Variants in SDR42E1 observed in about 807,000 individuals in gnomAD.
SDR42E1 encodes the protein short chain dehydrogenase/reductase family 42E, member 1, also known as short-chain dehydrogenase/reductase family 42E member 1.
In SDR42E1, 5 loss-of-function variants were observed where a neutral mutation model predicts 2.6. The observed-to-expected ratio is 1.94, with a 90% CI of 1.01 to 4.08. SDR42E1 has a LOEUF of 4.08. SDR42E1 is among the 30% of genes most tolerant of loss of function. SDR42E1 has a pLI of 0.00. For synonymous variants in SDR42E1, 231 were observed against 188.3 expected (o/e 1.23, Z -1.86); for missense variants, 596 against 478.6 (o/e 1.25, Z -2.29).
rs746710888 is a variant in SDR42E1, at chr16:81,999,548, C to T, written c.745G>A (p.Gly249Arg). The change falls in exon 3 of 3, where the codon GGG (glycine) becomes AGG (arginine). Residue 249 changes from glycine to arginine, a missense_variant. Physicochemically the swap from Gly to Arg is moderately radical, Grantham distance 125 (BLOSUM62 -2). Transcript: ENST00000328945. The part of the protein sequence containing the change: ...LRADKGHIAS[G>R]QPYFISDGRP... ...CCATCTGAGATGAAGTAGGGCTGCCCAGAGGCAATATGGCCCTTGTCAGCT... is the reference window on the plus strand; with the variant it reads ...CCATCTGAGATGAAGTAGGGCTGCCTAGAGGCAATATGGCCCTTGTCAGCT... The T allele has an allele frequency of 6.2e-7, 1 of 1,614,156 alleles. No homozygotes were observed. The highest frequency in any genetic ancestry group is 2.2e-5 in the East Asian group (1 of 44,878).
chr16:82,010,676 C>T (rs551628772), intron 1 of SDR42E1, among the ~76,000 whole-genome samples: 100 of 152,332 alleles, frequency 6.6e-4, no homozygotes, highest in African/African-American at 2.4e-3. Flanking sequence ...GTTGTCCCGC[C>T]TTTCCAGACC....
Position 81,999,867 on chromosome 16 carries a change from G to T in SDR42E1, c.426C>A (p.Tyr142Ter), listed in dbSNP as rs777773930. The change falls in exon 3 of 3, where the codon TAC (tyrosine) becomes TAA (stop). Residue 142 changes from tyrosine to a stop codon, truncating the protein, a stop_gained. Coordinates refer to ENST00000328945, the MANE Select transcript of SDR42E1 (RefSeq NM_145168.3). LOFTEE classifies it high-confidence loss of function. ...VIRNGDESLP[Y>*]LPLHLHPDHY... ...GATCAGGGTGGAGGTGAAGAGGCAGGTAGGGCAGAGATTCATCCCCATTTC... is the reference window on the plus strand; with the variant it reads ...GATCAGGGTGGAGGTGAAGAGGCAGTTAGGGCAGAGATTCATCCCCATTTC... 2 of 1,614,178 alleles carry T rather than the reference G, an allele frequency of 1.2e-6. No individual in the cohort carries two copies. Among genetic ancestry groups the T allele is most frequent in the South Asian group, 2.2e-5 (2 of 91,080 alleles).
chr16:82,007,300 T>C (rs1382923565), intron 1 of SDR42E1, among the ~76,000 whole-genome samples: 2 of 152,226 alleles, frequency 1.3e-5, no homozygotes, highest in Non-Finnish European at 2.9e-5. Flanking sequence ...GCCACGTCTA[T>C]AAATTGAAGT....
At chr16:82,003,639 C>T (rs999202306) in intron 1 of SDR42E1, among the ~76,000 whole-genome samples, 4 of 152,222 alleles carry the variant, frequency 2.6e-5, no homozygotes, top group Non-Finnish European at 5.9e-5. Context: ...ATATTTAGGT[C>T]TGCTGACAAG....
chr16:82,006,807 A>C (rs1166962401), intron 1 of SDR42E1, among the ~76,000 whole-genome samples: 1 of 152,206 alleles, frequency 6.6e-6, no homozygotes, highest in Non-Finnish European at 1.5e-5. Flanking sequence ...AAAAACAAAA[A>C]ACAAAAAACC....
intron 1 of SDR42E1, among the ~76,000 whole-genome samples, chr16:82,004,436 G>A (rs886942949): frequency 1.3e-5 from 2 of 152,230 alleles, no homozygotes; most frequent in African/African-American, 4.8e-5. Context: ...ATGCTTGAGG[G>A]TGAAAAGACA....
chr16:82,009,008 TG>T (rs1373451141), intron 1 of SDR42E1, among the ~76,000 whole-genome samples: 1 of 152,186 alleles, frequency 6.6e-6, no homozygotes, highest in Non-Finnish European at 1.5e-5. Flanking sequence ...CAGCTCAAAC[TG>T]GGGCTTCAGA....
chr16:82,000,760 T>A (rs926525290), intron 2 of SDR42E1, 31 bp downstream of exon 2: 2 of 1,500,424 alleles, frequency 1.3e-6, no homozygotes, highest in African/African-American at 2.8e-5. Flanking sequence ...AGTAAAATAA[T>A]TCCATGTGTA....
At chr16:82,010,465 C>T (rs1427176169) in intron 1 of SDR42E1, among the ~76,000 whole-genome samples, 3 of 152,022 alleles carry the variant, frequency 2.0e-5, no homozygotes, top group Admixed American at 2.0e-4. Flanking sequence ...ATCTTGGGGT[C>T]CCAAGATCAC....
In SDR42E1 at chr16:81,994,258, T is replaced by A. The variant is rs911127252; in HGVS notation, c.*4853A>T. 6.6e-6 allele frequency: 1 copy of A among 152,218 alleles called. No homozygotes were observed. Among genetic ancestry groups the A allele is most frequent in the African/African-American group, 2.4e-5 (1 of 41,446 alleles). 9.4% of individuals were successfully genotyped at this position (152,218 alleles called of 1,614,324 possible). A position where few individuals can be genotyped will look rare whatever the true frequency, so the allele number is the denominator to read the frequency against. ...CCATTTTTTGGCTCTTCTTAACACA[T>A]AGCTGGACCCAGCAGCCCAAACATC... On this transcript the variant is annotated 3_prime_UTR_variant, in exon 3 of 3. Coordinates refer to ENST00000328945, the MANE Select transcript of SDR42E1 (RefSeq NM_145168.3).
chr16:82,004,651 C>A (rs530383611), intron 1 of SDR42E1, among the ~76,000 whole-genome samples: 3 of 152,178 alleles, frequency 2.0e-5, no homozygotes, highest in African/African-American at 7.2e-5. Context: ...CAGGCGTGTG[C>A]CATGATGCCT....
chr16:82,004,922 G>C (rs1364200334), intron 1 of SDR42E1, among the ~76,000 whole-genome samples: 2 of 152,198 alleles, frequency 1.3e-5, no homozygotes, highest in Non-Finnish European at 2.9e-5. Context: ...GTGATGTTTT[G>C]AGGAAGATGA....
At chr16:82,000,293 T>C (rs2143849861) in intron 2 of SDR42E1, 69 bp from the exon 3 acceptor site, 1 of 1,579,790 alleles carries the variant, frequency 6.3e-7, no homozygotes, top group Non-Finnish European at 8.6e-7. Flanking sequence ...GTGTATAAAG[T>C]AATTTACCAA....
chr16:82,000,418 C>G (rs1388955073), intron 2 of SDR42E1, 194 bp from the exon 3 acceptor site: 4 of 741,598 alleles, frequency 5.4e-6, no homozygotes, highest in Non-Finnish European at 9.4e-6. Context: ...CTCTCATCTA[C>G]TTAAATTACA....
Position 81,996,995 on chromosome 16 carries a change from T to C in SDR42E1, c.*2116A>G, listed in dbSNP as rs537209383. On this transcript the variant is annotated 3_prime_UTR_variant, in exon 3 of 3. Transcript: ENST00000328945. ...CTGATGTGGCACCCCAGAGAGCTGT[T>C]CAGACAGTAAGGCTTCTAAGAAGCA... 2 of 152,352 alleles carry C rather than the reference T, an allele frequency of 1.3e-5. No individual in the cohort carries two copies. The highest frequency in any genetic ancestry group is 2.9e-5 in the Non-Finnish European group (2 of 68,064). 9.4% of individuals were successfully genotyped at this position (152,352 alleles called of 1,614,324 possible). A position where few individuals can be genotyped will look rare whatever the true frequency, so the allele number is the denominator to read the frequency against.
rs180789565 is a variant in SDR42E1, at chr16:81,997,126, G to A, written c.*1985C>T. The A allele has an allele frequency of 1.3e-5, 2 of 152,000 alleles. No homozygotes were observed. The highest frequency in any genetic ancestry group is 4.8e-5 in the African/African-American group (2 of 41,556). 9.4% of individuals were successfully genotyped at this position (152,000 alleles called of 1,614,324 possible). A position where few individuals can be genotyped will look rare whatever the true frequency, so the allele number is the denominator to read the frequency against. On this transcript the variant is annotated 3_prime_UTR_variant, in exon 3 of 3. Coordinates refer to ENST00000328945, the MANE Select transcript of SDR42E1 (RefSeq NM_145168.3). Reference sequence around the variant, plus strand: ...GAGTGAACTGCAATAAGACTCAGGTGACGCATTCAAAATAATGTTCCCAGT... The same window carrying A: ...GAGTGAACTGCAATAAGACTCAGGTAACGCATTCAAAATAATGTTCCCAGT...
At chr16:82,003,270 T>C (rs1037105041) in intron 1 of SDR42E1, among the ~76,000 whole-genome samples, 8 of 152,206 alleles carry the variant, frequency 5.3e-5, no homozygotes, top group African/African-American at 1.9e-4. Flanking sequence ...ACTCCCTCAA[T>C]GCACCTAACA....
Position 81,998,802 on chromosome 16 carries a change from A to C in SDR42E1, c.*309T>G. The C allele has an allele frequency of 3.0e-6, 1 of 336,134 alleles. No individual in the cohort carries two copies. Among genetic ancestry groups the C allele is most frequent in the Non-Finnish European group, 5.4e-6 (1 of 185,166 alleles). The allele number at this position is 336,134 out of a possible 1,614,324, so 20.8% of individuals were successfully genotyped here. A position where few individuals can be genotyped will look rare whatever the true frequency, so the allele number is the denominator to read the frequency against. ...AATAAGTATATCTTGCCCTCTCAGA[A>C]ATTCAAGATGGGCATCTCCAACTCA... On this transcript the variant is annotated 3_prime_UTR_variant, in exon 3 of 3. Coordinates refer to ENST00000328945, the MANE Select transcript of SDR42E1 (RefSeq NM_145168.3).
rs1364276429 is a variant in SDR42E1, at chr16:81,994,844, T to C, written c.*4267A>G. ...ACGACAAAGCAACACTTGCCTCTTT[T>C]ATACACCATGTTAGATGGTTGAGGA... is the stretch of plus-strand genomic sequence containing the variant. On this transcript the variant is annotated 3_prime_UTR_variant, in exon 3 of 3. Coordinates refer to ENST00000328945, the MANE Select transcript of SDR42E1 (RefSeq NM_145168.3). 1 of 152,164 alleles carries C rather than the reference T, an allele frequency of 6.6e-6. No individual in the cohort carries two copies. The highest frequency in any genetic ancestry group is 2.4e-5 in the African/African-American group (1 of 41,438). The allele number at this position is 152,164 out of a possible 1,614,324, so 9.4% of individuals were successfully genotyped here. A position where few individuals can be genotyped will look rare whatever the true frequency, so the allele number is the denominator to read the frequency against.
Sources: gnomAD v4.1 joint callset for allele counts (sites outside exome capture counted in the v4.1 genomes callset) on GRCh38, gnomAD v4.1.1 for gene constraint, MANE v1.5 for transcripts, NCBI Gene and HGNC (gene_info 2026-07-23, HGNC 2026-07-21) for gene names.